SF3A2: variants seen among roughly 807,000 people sequenced by gnomAD.
SF3A2 encodes the protein SAP 62.
A neutral mutation model predicts 31.1 loss-of-function variants in SF3A2; 5 were observed. That is an observed-to-expected ratio of 0.16 (90% CI 0.08 to 0.34). The LOEUF (loss-of-function observed/expected upper bound fraction) is 0.34. Ranked by LOEUF, SF3A2 falls within the 10% of genes least tolerant of loss-of-function variation. SF3A2 has a pLI of 1.00. For synonymous variants in SF3A2, 365 were observed against 263.7 expected (o/e 1.38, Z -3.72); for missense variants, 577 against 643.9 (o/e 0.90, Z 1.13).
At position 2,248,281 on chromosome 19, in the gene SF3A2, CG is replaced by C; in HGVS notation, c.1135del (p.Val379CysfsTer67). 2.1e-6 allele frequency: 3 copies of C among 1,406,610 alleles called. No individual in the cohort carries two copies. The highest frequency in any genetic ancestry group is 1.5e-5 in the South Asian group (1 of 65,240). The allele number at this position is 1,406,610 out of a possible 1,614,324, so 87.1% of individuals were successfully genotyped here. On this transcript the variant is annotated frameshift_variant, in exon 9 of 9. Coordinates refer to ENST00000221494, the MANE Select transcript of SF3A2 (RefSeq NM_007165.5). LOFTEE classifies it low-confidence loss of function (END_TRUNC). The part of the protein sequence containing the change: ...PPSAGVHPQA[P>X]GVHPAAPAVH... ...TCAGCGGGGGTTCACCCCCAGGCCC[CG>C]GGGGTGCACCCAGCAGCCCCCGCCG...
Position 2,248,248 on chromosome 19 carries a change from C to A in SF3A2, c.1097C>A (p.Pro366His), listed in dbSNP as rs569546256. 61 of 1,423,380 alleles carry A rather than the reference C, an allele frequency of 4.3e-5. No homozygotes were observed. In the East Asian group the frequency reaches 1.5e-3, roughly 36 times the overall value. 88.2% of individuals were successfully genotyped at this position (1,423,380 alleles called of 1,614,324 possible). Residue 366 changes from proline (P) to histidine (H), a missense_variant, in exon 9 of 9, where the codon CCT becomes CAT. Around this residue, in one of 6 missense-constraint regions of SF3A2, gnomAD observed 462 missense variants for 339.1 expected, o/e 1.36. Coordinates refer to ENST00000221494, the MANE Select transcript of SF3A2 (RefSeq NM_007165.5). ...CACCCACCAGCCCCAGGGGTCCATCCTCCCCCATCAGCGGGGGTTCACCCC... is the reference window on the plus strand; with the variant it reads ...CACCCACCAGCCCCAGGGGTCCATCATCCCCCATCAGCGGGGGTTCACCCC... The part of the protein sequence containing the change: ...GVHPPAPGVH[P>H]PPSAGVHPQA...
Position 2,246,565 on chromosome 19 carries a change from C to T in SF3A2, c.356-188C>T, listed in dbSNP as rs1358010502. Among the ~76,000 whole-genome samples, 1 of 152,282 alleles carries T rather than the reference C, an allele frequency of 6.6e-6. No individual in the cohort carries two copies. The highest frequency in any genetic ancestry group is 1.9e-4 in the East Asian group (1 of 5,176). ...GAGTGACTCCGCAGGTAGCTCAGCT[C>T]TGGCGCACCTGTGCCTTCACCTATA... is the stretch of plus-strand genomic sequence containing the variant. On this transcript the variant is annotated intron_variant, in intron 5 of 8. Transcript: ENST00000221494. The surrounding 1 kb of genome is among the most constrained non-coding windows in gnomAD (Gnocchi z 5.5).
Position 2,245,201 on chromosome 19 carries a change from A to G in SF3A2, c.246-245A>G. 1 of 505,664 alleles carries G rather than the reference A, an allele frequency of 2.0e-6. No homozygotes were observed. Among genetic ancestry groups the G allele is most frequent in the Non-Finnish European group, 3.5e-6 (1 of 287,168 alleles). 31.3% of individuals were successfully genotyped at this position (505,664 alleles called of 1,614,324 possible). On this transcript the variant is annotated intron_variant, in intron 4 of 8. Transcript: ENST00000221494. This position sits in a 1 kb window ranked among gnomAD's most constrained non-coding sequence, Gnocchi z 4.2. ...TCTTGTCTTATTAAAAAAAAAAAAAAAGAGCAGAGGCATGGAGTTGTTGGA... is the reference window on the plus strand; with the variant it reads ...TCTTGTCTTATTAAAAAAAAAAAAAGAGAGCAGAGGCATGGAGTTGTTGGA...
chr19:2,245,608 G>C lies in SF3A2; in HGVS notation c.355+53G>C. On this transcript the variant is annotated intron_variant, in intron 5 of 8. Coordinates refer to ENST00000221494, the MANE Select transcript of SF3A2 (RefSeq NM_007165.5). This position sits in a 1 kb window ranked among gnomAD's most constrained non-coding sequence, Gnocchi z 4.2. ...ACAGCCGCTGCCGTGACATAAGTGT[G>C]TTCTTTAGTCTCCAGTGCGGGAGGT... 7.6e-7 allele frequency: 1 copy of C among 1,317,234 alleles called. No homozygotes were observed. Among genetic ancestry groups the C allele is most frequent in the Non-Finnish European group, 1.1e-6 (1 of 933,840 alleles). The allele number at this position is 1,317,234 out of a possible 1,614,324, so 81.6% of individuals were successfully genotyped here.
intron 2 of SF3A2, 140 bp downstream of exon 2, chr19:2,243,684 C>A (rs1450131840): frequency 1.0e-6 from 1 of 985,950 alleles, no homozygotes; most frequent in East Asian, 3.3e-5. Context: ...CCCTGTTGCC[C>A]CCGAGCAGCC....
intron 1 of SF3A2, chr19:2,237,784 G>C (rs954390416): frequency 5.9e-5 from 9 of 152,132 alleles, no homozygotes; most frequent in African/African-American, 2.2e-4. Context: ...CATGCCAAAG[G>C]CGACCAGAAC....
rs1405096165 is a variant in SF3A2 at position 2,245,659 on chromosome 19, G to A, written c.355+104G>A. ...GCAGCCCTGATAGCCTCCTCCCTGAGCCACTGTTTTCCGGCCTTGGTGGCC... is the reference window on the plus strand; with the variant it reads ...GCAGCCCTGATAGCCTCCTCCCTGAACCACTGTTTTCCGGCCTTGGTGGCC... On this transcript the variant is annotated intron_variant, in intron 5 of 8. Transcript: ENST00000221494. The surrounding 1 kb of genome is among the most constrained non-coding windows in gnomAD (Gnocchi z 4.2). The A allele has an allele frequency of 1.5e-5, 13 of 853,724 alleles. No individual in the cohort carries two copies. The Middle Eastern group carries it at 7.7e-4, about 50-fold the overall frequency. The allele number at this position is 853,724 out of a possible 1,614,324, so 52.9% of individuals were successfully genotyped here.
chr19:2,248,168 A>AGCCCCCGGAGTCCACCCTCCC lies in SF3A2; in HGVS notation c.1025_1026insAGTCCACCCTCCCGCCCCCGG (p.Ala361_Pro367dup). ...CCCCAGCTCCTGGAGTCCACCCTCC[A>AGCCCCCGGAGTCCACCCTCCC]GCCCCCGGGGTTCACCCACCAGCCC... is the stretch of plus-strand genomic sequence containing the variant. On this transcript the variant is annotated inframe_insertion, in exon 9 of 9. Transcript: ENST00000221494. The AGCCCCCGGAGTCCACCCTCCC allele has an allele frequency of 2.2e-6, 3 of 1,379,840 alleles. No homozygotes were observed. Among genetic ancestry groups the AGCCCCCGGAGTCCACCCTCCC allele is most frequent in the Non-Finnish European group, 2.9e-6 (3 of 1,034,192 alleles). 85.5% of individuals were successfully genotyped at this position (1,379,840 alleles called of 1,614,324 possible).
chr19:2,248,600 A>C lies in SF3A2; in HGVS notation c.*54A>C, dbSNP rs1486175553. 2 of 424,134 alleles carry C rather than the reference A, an allele frequency of 4.7e-6. No homozygotes were observed. The highest frequency in any genetic ancestry group is 4.0e-6 in the Non-Finnish European group (1 of 250,574). The allele number at this position is 424,134 out of a possible 1,614,324, so 26.3% of individuals were successfully genotyped here. A position where few individuals can be genotyped will look rare whatever the true frequency, so the allele number is the denominator to read the frequency against. On this transcript the variant is annotated 3_prime_UTR_variant, in exon 9 of 9. Coordinates refer to ENST00000221494, the MANE Select transcript of SF3A2 (RefSeq NM_007165.5). The stretch of plus-strand genomic sequence containing the variant: ...GCGCCAGGTGCTCTTGCCTTTTCCC[A>C]CTGAGAGAAGGCTGCTCTTTTGTAC...
Position 2,245,401 on chromosome 19 carries a change from C to A in SF3A2, c.246-45C>A. 7.0e-7 allele frequency: 1 copy of A among 1,428,668 alleles called. No individual in the cohort carries two copies. Among genetic ancestry groups the A allele is most frequent in the Non-Finnish European group, 9.6e-7 (1 of 1,038,546 alleles). 88.5% of individuals were successfully genotyped at this position (1,428,668 alleles called of 1,614,324 possible). ...GGCACCTGGGCCCATGGCTTTGGTG[C>A]CTGTGTGTGGAGGGGTCCCAGCAGC... On this transcript the variant is annotated intron_variant, in intron 4 of 8. Coordinates refer to ENST00000221494, the MANE Select transcript of SF3A2 (RefSeq NM_007165.5). This position sits in a 1 kb window ranked among gnomAD's most constrained non-coding sequence, Gnocchi z 4.2.
intron 1 of SF3A2, among the ~76,000 whole-genome samples, chr19:2,241,213 T>C (rs1465689777): frequency 6.6e-6 from 1 of 151,902 alleles, no homozygotes; most frequent in East Asian, 1.9e-4. Context: ...CCCCGAGATC[T>C]GTGTGTGGGA....
intron 1 of SF3A2, among the ~76,000 whole-genome samples, chr19:2,239,354 C>G (rs981145586): frequency 2.2e-5 from 1 of 44,818 alleles, no homozygotes; most frequent in Non-Finnish European, 4.3e-5. Flanking sequence ...GAGAATCCGT[C>G]TCAAAAAAAA....
In SF3A2 at chr19:2,241,543, G is replaced by A. The variant is rs150003099; in HGVS notation, c.-37-1839G>A. On this transcript the variant is annotated intron_variant, in intron 1 of 8. Transcript: ENST00000221494. The stretch of plus-strand genomic sequence containing the variant: ...CACCCACACAATCCTGCCCGCCTGT[G>A]GGCCGTCCGGAGACAGAACCTCCCA... Among the ~76,000 whole-genome samples the A allele has an allele frequency of 8.5e-3, 1,290 of 152,328 alleles. 5 individuals carry two copies. Among genetic ancestry groups the A allele is most frequent in the Non-Finnish European group, 0.014 (976 of 68,024 alleles).
chr19:2,248,418 C>A lies in SF3A2; in HGVS notation c.1267C>A (p.Pro423Thr). ...CCATCCGTCGGCTCCTGGGGTCCACCCTCAGCCTCCGGGAGTTCACCCCTC... is the reference window on the plus strand; with the variant it reads ...CCATCCGTCGGCTCCTGGGGTCCACACTCAGCCTCCGGGAGTTCACCCCTC... ...GVHPSAPGVH[P>T]QPPGVHPSNP... Residue 423 changes from proline (P) to threonine (T), a missense_variant, in exon 9 of 9, where the codon CCT (proline) becomes ACT (threonine). Transcript: ENST00000221494. 7.2e-7 allele frequency: 1 copy of A among 1,380,266 alleles called. No individual in the cohort carries two copies. Among genetic ancestry groups the A allele is most frequent in the Non-Finnish European group, 9.3e-7 (1 of 1,070,188 alleles). 85.5% of individuals were successfully genotyped at this position (1,380,266 alleles called of 1,614,324 possible).
At chr19:2,244,669 CA>C in intron 3 of SF3A2, 54 bp downstream of exon 3, 2 of 1,610,830 alleles carry the variant, frequency 1.2e-6, no homozygotes, top group Admixed American at 1.7e-5. Flanking sequence ...TGGCTGACGT[CA>C]GGGGGACCTG....
At chr19:2,243,933 G>C (rs2024910712) in intron 2 of SF3A2, among the ~76,000 whole-genome samples, 1 of 152,176 alleles carries the variant, frequency 6.6e-6, no homozygotes, top group Admixed American at 6.5e-5. Context: ...AGCACTCTTT[G>C]TGTACCCTGA....
At chr19:2,238,618 C>G (rs1019550284) in intron 1 of SF3A2, among the ~76,000 whole-genome samples, 4 of 152,218 alleles carry the variant, frequency 2.6e-5, no homozygotes, top group African/African-American at 9.6e-5. Context: ...CTAGGCTTTT[C>G]TTGTACCATT....
intron 1 of SF3A2, among the ~76,000 whole-genome samples, chr19:2,239,960 C>G (rs1480776328): frequency 6.6e-6 from 1 of 152,194 alleles, no homozygotes; most frequent in Non-Finnish European, 1.5e-5. Flanking sequence ...CGATCTCTTA[C>G]TGGGATACCC....
Position 2,248,227 on chromosome 19 carries a change from C to T in SF3A2, c.1076C>T (p.Pro359Leu), listed in dbSNP as rs865955198. ...GVHPPAPGVH[P>L]PAPGVHPPPS... ...CACCCACCAGCCCCTGGGGTTCACC[C>T]ACCAGCCCCAGGGGTCCATCCTCCC... The change falls in exon 9 of 9, where the codon CCA (proline) becomes CTA (leucine). Residue 359 changes from proline (P) to leucine (L), a missense_variant. Transcript: ENST00000221494. The T allele has an allele frequency of 6.9e-7, 1 of 1,457,268 alleles. No individual in the cohort carries two copies. The highest frequency in any genetic ancestry group is 9.1e-7 in the Non-Finnish European group (1 of 1,098,102). The allele number at this position is 1,457,268 out of a possible 1,614,324, so 90.3% of individuals were successfully genotyped here.
Sources: allele counts gnomAD v4.1 joint callset (sites outside exome capture counted in the v4.1 genomes callset), GRCh38; gene constraint gnomAD v4.1.1; regional missense constraint gnomAD v4.1.1; non-coding constraint Gnocchi (gnomAD v3.1); transcripts MANE v1.5; gene names NCBI Gene and HGNC (gene_info 2026-07-23, HGNC 2026-07-21).